Variants in SH3BGRL2 observed in about 807,000 individuals in gnomAD.
SH3BGRL2 encodes SH3 domain-binding glutamic acid-rich-like protein 2.
Under a neutral mutation model 14.8 loss-of-function variants are expected in SH3BGRL2, and 21 were observed. That is an observed-to-expected ratio of 1.42 (90% CI 1.01 to 2.05). The LOEUF is 2.05. Among genes scored for constraint, SH3BGRL2 ranks in the 30% most tolerant of loss-of-function variants. The probability of loss-of-function intolerance (pLI) is 0.00; values close to 1 mark genes in which losing one functional copy is unlikely to be tolerated. For synonymous variants in SH3BGRL2, 50 were observed against 47.8 expected (o/e 1.05, Z -0.19); for missense variants, 147 against 130.8 (o/e 1.12, Z -0.61).
intron 1 of SH3BGRL2, among the ~76,000 whole-genome samples, chr6:79,652,812 C>A (rs567235936): frequency 6.6e-6 from 1 of 152,036 alleles, no homozygotes; most frequent in East Asian, 1.9e-4. Flanking sequence ...TATATTTTTG[C>A]CTGCTGATAT....
the SH3BGRL2 span, among the ~76,000 whole-genome samples, chr6:79,602,900 T>C: frequency 6.6e-6 from 1 of 152,186 alleles, no homozygotes; most frequent in Admixed American, 6.5e-5. Context: ...GAAATGTCCT[T>C]ATTCTTTTCT....
chr6:79,648,255 C>CATATATATATATATATATATATAT (rs60702112), intron 1 of SH3BGRL2, among the ~76,000 whole-genome samples: 9 of 62,452 alleles, frequency 1.4e-4, no homozygotes, highest in East Asian at 7.1e-4. Context: ...ATTCTTTTGG[C>CATATATATATATATATATATATAT]ATATATATAT....
At chr6:79,589,207 T>TATA in the SH3BGRL2 span, among the ~76,000 whole-genome samples, 13,649 of 104,508 alleles carry the variant, frequency 0.13, 1,220 homozygotes, top group East Asian at 0.53. Flanking sequence ...TATATATATA[T>TATA]TTTTTTTTTT....
chr6:79,545,778 A>G, the SH3BGRL2 span, among the ~76,000 whole-genome samples: 2 of 152,170 alleles, frequency 1.3e-5, no homozygotes, highest in African/African-American at 4.8e-5. Context: ...ATTGACTTCA[A>G]ATCTTTCTGT....
At chr6:79,612,213 A>C in the SH3BGRL2 span, among the ~76,000 whole-genome samples, 11 of 152,134 alleles carry the variant, frequency 7.2e-5, 1 homozygote, top group Non-Finnish European at 2.9e-5. Context: ...AGGCAGGAGA[A>C]TCACTTGAAC....
chr6:79,624,217 C>G, the SH3BGRL2 span, among the ~76,000 whole-genome samples: 1 of 151,112 alleles, frequency 6.6e-6, no homozygotes, highest in African/African-American at 2.4e-5. Flanking sequence ...GTTGTCATCT[C>G]CTGACCTGGA....
chr6:79,634,101 A>G (rs149097699), intron 1 of SH3BGRL2, among the ~76,000 whole-genome samples: 2 of 152,344 alleles, frequency 1.3e-5, no homozygotes, highest in African/African-American at 2.4e-5. Context: ...AATTAGACTT[A>G]GCCAAGTAAG....
chr6:79,542,638 T>C, the SH3BGRL2 span, among the ~76,000 whole-genome samples: 1 of 152,132 alleles, frequency 6.6e-6, no homozygotes, highest in Non-Finnish European at 1.5e-5. Context: ...CCTTGCTAGT[T>C]GGCTTATCGG....
chr6:79,647,274 AT>A (rs2127725298), intron 1 of SH3BGRL2, among the ~76,000 whole-genome samples: 1 of 150,056 alleles, frequency 6.7e-6, no homozygotes, highest in Admixed American at 6.6e-5. Flanking sequence ...TTTGATTTGC[AT>A]TTTCCTAATG....
At chr6:79,643,219 C>G (rs758519094) in intron 1 of SH3BGRL2, among the ~76,000 whole-genome samples, 1 of 152,158 alleles carries the variant, frequency 6.6e-6, no homozygotes, top group Non-Finnish European at 1.5e-5. Flanking sequence ...TTATTCAGCT[C>G]AGCGGTAAAA....
chr6:79,607,954 GA>G, the SH3BGRL2 span, among the ~76,000 whole-genome samples: 1 of 151,964 alleles, frequency 6.6e-6, no homozygotes, highest in African/African-American at 2.4e-5. Flanking sequence ...TCAAAAAAAA[GA>G]AAAAGAAAAG....
At chr6:79,653,924 A>C (rs1234928566) in intron 1 of SH3BGRL2, among the ~76,000 whole-genome samples, 1 of 152,144 alleles carries the variant, frequency 6.6e-6, no homozygotes, top group Non-Finnish European at 1.5e-5. Context: ...GTAAGAAGGA[A>C]AGCCCCAAGT....
the SH3BGRL2 span, among the ~76,000 whole-genome samples, chr6:79,540,890 C>T: frequency 6.6e-6 from 1 of 152,026 alleles, no homozygotes; most frequent in African/African-American, 2.4e-5. Context: ...GAGGTAGGAT[C>T]AAGTGGAAGG....
At chr6:79,637,834 A>T (rs1475429168) in intron 1 of SH3BGRL2, among the ~76,000 whole-genome samples, 1 of 152,214 alleles carries the variant, frequency 6.6e-6, no homozygotes, top group Non-Finnish European at 1.5e-5. Flanking sequence ...TCAAAGAAAA[A>T]CATATATGAT....
At chr6:79,574,989 A>C in the SH3BGRL2 span, 2 of 152,230 alleles carry the variant, frequency 1.3e-5, no homozygotes, top group African/African-American at 4.8e-5. Flanking sequence ...CAGGTCAACC[A>C]AAAATCAAAA....
chr6:79,568,807 G>GT, the SH3BGRL2 span, among the ~76,000 whole-genome samples: 1 of 152,098 alleles, frequency 6.6e-6, no homozygotes, highest in Non-Finnish European at 1.5e-5. Context: ...TCAGTGGTAG[G>GT]TGGGAGCAGG....
the SH3BGRL2 span, among the ~76,000 whole-genome samples, chr6:79,626,027 T>C: frequency 8.5e-4 from 129 of 152,342 alleles, no homozygotes; most frequent in African/African-American, 2.9e-3. Flanking sequence ...GTGAAGTCCC[T>C]TGACAAGTTA....
the SH3BGRL2 span, among the ~76,000 whole-genome samples, chr6:79,567,462 C>T: frequency 1.3e-5 from 2 of 152,060 alleles, no homozygotes; most frequent in Non-Finnish European, 2.9e-5. Context: ...GGTAAATATA[C>T]CAATGAAACA....
At chr6:79,657,046 T>C (rs1044234487) in intron 1 of SH3BGRL2, among the ~76,000 whole-genome samples, 3 of 152,000 alleles carry the variant, frequency 2.0e-5, no homozygotes, top group African/African-American at 2.4e-5. Context: ...GGGCGAGAGG[T>C]TTGAGGTTGC....
Sources: gnomAD v4.1 joint callset for allele counts (sites outside exome capture counted in the v4.1 genomes callset) on GRCh38, gnomAD v4.1.1 for gene constraint, MANE v1.5 for transcripts, NCBI Gene and HGNC (gene_info 2026-07-23, HGNC 2026-07-21) for gene names.